GBF1: variants seen among roughly 807,000 people sequenced by gnomAD.
The protein encoded by GBF1 is golgi brefeldin A resistant guanine nucleotide exchange factor 1.
A neutral mutation model predicts 210.5 loss-of-function variants in GBF1; 114 were observed. That is an observed-to-expected ratio of 0.54 (90% CI 0.47 to 0.63). The LOEUF (loss-of-function observed/expected upper bound fraction) is 0.63. GBF1 is among the 30% of genes least tolerant of loss of function. The pLI is 0.00. For missense variants in GBF1, 1,851 were observed against 2,357.7 expected (o/e 0.79, Z 4.45); for synonymous variants, 850 against 889.2 (o/e 0.96, Z 0.78).
the GBF1 span, chr10:102,231,824 C>G: frequency 1.3e-6 from 2 of 1,592,006 alleles, no homozygotes; most frequent in Non-Finnish European, 1.7e-6. Context: ...TCACAGAGCG[C>G]CCAAGCCAGC....
the GBF1 span, among the ~76,000 whole-genome samples, chr10:102,237,038 G>A: frequency 1.3e-5 from 2 of 152,178 alleles, no homozygotes; most frequent in Non-Finnish European, 2.9e-5. Flanking sequence ...ATTAAGGGAC[G>A]ATTCGGGGAT....
intron 3 of GBF1, among the ~76,000 whole-genome samples, chr10:102,275,973 AC>A (rs1172601772): frequency 6.6e-6 from 1 of 152,178 alleles, no homozygotes; most frequent in Non-Finnish European, 1.5e-5. Flanking sequence ...GTGGTGGCTC[AC>A]GCCTGTAATC....
At chr10:102,317,173 G>A (rs2079003711) in intron 3 of GBF1, among the ~76,000 whole-genome samples, 1 of 151,878 alleles carries the variant, frequency 6.6e-6, no homozygotes, top group Admixed American at 6.6e-5. Flanking sequence ...GGCATGTGTT[G>A]GTAGTCCCAG....
chr10:102,293,497 T>C (rs1175396273), intron 3 of GBF1, among the ~76,000 whole-genome samples: 2 of 152,092 alleles, frequency 1.3e-5, no homozygotes, highest in Non-Finnish European at 2.9e-5. Context: ...GACAGGTCTT[T>C]CAGGAGGTAT....
In GBF1 at chr10:102,363,328, G is replaced by A. The variant is rs745369019; in HGVS notation, c.1949G>A (p.Gly650Glu). 1.5e-5 allele frequency: 25 copies of A among 1,614,048 alleles called. No homozygotes were observed. Among genetic ancestry groups the A allele is most frequent in the Non-Finnish European group, 2.0e-5 (24 of 1,179,914 alleles). ...ATCCCAGGCCTGCATCTGCCAGGTG[G>A]AGGGCGGCTGCCACCAGAACATGGG... ...SDIPGLHLPG[G>E]GRLPPEHGKS... is the part of the protein sequence containing the mutation. The change falls in exon 16 of 40, where the codon GGA (glycine) becomes GAA (glutamate). Residue 650 changes from glycine to glutamate, a missense_variant. Gly to Glu is a moderately conservative substitution (Grantham distance 98). This residue lies in a region of GBF1 where 804 missense variants were observed against 958.6 expected (regional missense o/e 0.84). Transcript: ENST00000369983. This position sits in a 1 kb window ranked among gnomAD's most constrained non-coding sequence, Gnocchi z 4.2.
At chr10:102,367,615 T>C in intron 21 of GBF1, 55 bp downstream of exon 21, 4 of 1,040,102 alleles carry the variant, frequency 3.8e-6, no homozygotes, top group Non-Finnish European at 6.1e-6. Context: ...GCACATTGCT[T>C]CCTTTCCCAG....
Position 102,369,932 on chromosome 10 carries a change from G to A in GBF1, c.3287G>A (p.Gly1096Asp), listed in dbSNP as rs367576562. The A allele has an allele frequency of 1.5e-5, 24 of 1,613,940 alleles. No individual in the cohort carries two copies. The highest frequency in any genetic ancestry group is 2.0e-5 in the Non-Finnish European group (24 of 1,179,920). The stretch of plus-strand genomic sequence containing the variant: ...GGTCCTGAGCAGTCTAGTGTTCGGG[G>A]CCCATCCACTGAAAACCAAGAGGCC... ...LSGPEQSSVR[G>D]PSTENQEAKR... The change falls in exon 26 of 40, where the codon GGC becomes GAC. Residue 1096 changes from glycine to aspartate, a missense_variant. Gly to Asp is a moderately conservative substitution (Grantham distance 94). This residue lies in a region of GBF1 where 967 missense variants were observed against 1,247.7 expected (regional missense o/e 0.78). Coordinates refer to ENST00000369983, the MANE Select transcript of GBF1 (RefSeq NM_001377137.1).
the GBF1 span, among the ~76,000 whole-genome samples, chr10:102,236,793 A>T: frequency 1.3e-5 from 2 of 152,188 alleles, no homozygotes. Context: ...CATAACCTGG[A>T]ACTCAAATAG....
Position 102,344,144 on chromosome 10 carries a change from T to C in GBF1, c.257T>C (p.Leu86Pro). The change falls in exon 4 of 40, where the codon CTC becomes CCC. Residue 86 changes from leucine (L) to proline (P), a missense_variant. Coordinates refer to ENST00000369983, the MANE Select transcript of GBF1 (RefSeq NM_001377137.1). ...DTTGPITGLA[L>P]TSVNKFLSYA... is the part of the protein sequence containing the mutation. ...ACTGGCCCTATCACTGGACTGGCAC[T>C]CACCTCTGTCAACAAGTTCCTGTCC... 6.2e-7 allele frequency: 1 copy of C among 1,613,822 alleles called. No homozygotes were observed. The highest frequency in any genetic ancestry group is 8.5e-7 in the Non-Finnish European group (1 of 1,179,650).
At chr10:102,267,556 T>C (rs2073989966) in intron 3 of GBF1, among the ~76,000 whole-genome samples, 1 of 152,098 alleles carries the variant, frequency 6.6e-6, no homozygotes, top group Non-Finnish European at 1.5e-5. Flanking sequence ...TGAAAAAAAT[T>C]TGCTGGAGTC....
intron 3 of GBF1, among the ~76,000 whole-genome samples, chr10:102,291,890 C>CTTTTTT (rs1223283560): frequency 1.6e-5 from 2 of 127,712 alleles, no homozygotes; most frequent in East Asian, 2.2e-4. Context: ...TAGAACTTTT[C>CTTTTTT]TTTTTTTTTT....
intron 4 of GBF1, among the ~76,000 whole-genome samples, chr10:102,347,434 C>T (rs79356410): frequency 0.047 from 7,190 of 152,276 alleles, 204 homozygotes; most frequent in Non-Finnish European, 0.06. Context: ...TCTTCACAGC[C>T]TCCAGTGGCT....
intron 3 of GBF1, among the ~76,000 whole-genome samples, chr10:102,269,089 G>C (rs1159463103): frequency 6.6e-6 from 1 of 152,146 alleles, no homozygotes; most frequent in Non-Finnish European, 1.5e-5. Context: ...AAGCACTTCT[G>C]GCTGTCTGTT....
In GBF1 at chr10:102,353,596, A is replaced by G. The variant is rs1198374371; in HGVS notation, c.585-4A>G. On this transcript the variant is annotated splice_region_variant and splice_polypyrimidine_tract_variant and intron_variant, in intron 7 of 39. Transcript: ENST00000369983. ...TGACAGTTGATGGATTTTCTATCTTATAGGTTACCTCAGTTTAAAGAAGAA... is the reference window on the plus strand; with the variant it reads ...TGACAGTTGATGGATTTTCTATCTTGTAGGTTACCTCAGTTTAAAGAAGAA... 1.9e-6 allele frequency: 3 copies of G among 1,592,576 alleles called. No individual in the cohort carries two copies. The highest frequency in any genetic ancestry group is 4.5e-5 in the East Asian group (2 of 44,788).
At chr10:102,248,055 CTATT>C (rs1359624443) in intron 1 of GBF1, among the ~76,000 whole-genome samples, 3 of 152,164 alleles carry the variant, frequency 2.0e-5, no homozygotes, top group Admixed American at 6.6e-5. Flanking sequence ...TGAGGAGACT[CTATT>C]TATAGAGTAC....
chr10:102,286,194 G>GTTTTT (rs55904022), intron 3 of GBF1, among the ~76,000 whole-genome samples: 15 of 126,354 alleles, frequency 1.2e-4, no homozygotes, highest in African/African-American at 5.0e-4. Flanking sequence ...AAGCATAAGG[G>GTTTTT]TTTTTTTTTT....
rs2059419356 is a variant in GBF1 at position 102,358,540 on chromosome 10, C to T, written c.822C>T (p.Ile274=). The part of the protein sequence containing the change: ...GMPFIDVPTP[I]SSASSEAASA... Reference sequence around the variant, plus strand: ...CCTTCATTGATGTGCCCACTCCCATCTCCTCTGCAAGTTCAGAAGCTGCCT... The same window carrying T: ...CCTTCATTGATGTGCCCACTCCCATTTCCTCTGCAAGTTCAGAAGCTGCCT... The change falls in exon 10 of 40, where the codon ATC becomes ATT. Residue 274 remains isoleucine (I), a synonymous_variant. Coordinates refer to ENST00000369983, the MANE Select transcript of GBF1 (RefSeq NM_001377137.1). 6.2e-7 allele frequency: 1 copy of T among 1,613,958 alleles called. No individual in the cohort carries two copies. Among genetic ancestry groups the T allele is most frequent in the Non-Finnish European group, 8.5e-7 (1 of 1,179,800 alleles).
At chr10:102,368,599 G>T (rs914248676) in intron 22 of GBF1, 140 bp from the exon 23 acceptor site, 6 of 805,382 alleles carry the variant, frequency 7.4e-6, no homozygotes, top group Non-Finnish European at 1.2e-5. Context: ...GCTTGGGTAG[G>T]CTCAGTCTTA....
intron 3 of GBF1, among the ~76,000 whole-genome samples, chr10:102,286,224 T>G (rs1234021484): frequency 1.3e-5 from 2 of 151,966 alleles, no homozygotes; most frequent in African/African-American, 2.4e-5. Flanking sequence ...TTTTCTGTCT[T>G]TCTTTCTCTT....
Sources: allele counts gnomAD v4.1 joint callset (sites outside exome capture counted in the v4.1 genomes callset), GRCh38; gene constraint gnomAD v4.1.1; regional missense constraint gnomAD v4.1.1; non-coding constraint Gnocchi (gnomAD v3.1); transcripts MANE v1.5; gene names NCBI Gene and HGNC (gene_info 2026-07-23, HGNC 2026-07-21).